Variants in MTURN observed in about 807,000 individuals in gnomAD.
The protein encoded by MTURN is maturin, neural progenitor differentiation regulator homolog, also known as maturin.
In MTURN, 7 loss-of-function variants were observed where a neutral mutation model predicts 14.9. That is an observed-to-expected ratio of 0.47 (90% CI 0.27 to 0.88). The LOEUF (loss-of-function observed/expected upper bound fraction) is 0.88, where lower values mean the gene tolerates loss of function less well. Among genes scored for constraint, MTURN ranks in the 40% least tolerant of loss-of-function variants. The pLI, the probability that MTURN is intolerant of heterozygous loss-of-function variation, is 0.14. For synonymous variants in MTURN, 69 were observed against 72.5 expected, an observed-to-expected ratio of 0.95 and a Z score of 0.25; for missense variants, 151 against 174.1, an observed-to-expected ratio of 0.87 and a Z score of 0.75.
chr7:30,146,787 G>C (rs1015448065), intron 2 of MTURN, among the ~76,000 whole-genome samples: 1 of 152,190 alleles, frequency 6.6e-6, no homozygotes, highest in Non-Finnish European at 1.5e-5. Context: ...AAAAGTCTCT[G>C]TTATGAGCTA....
In MTURN at chr7:30,135,034, A is replaced by C; in HGVS notation, c.-103A>C. On this transcript the variant is annotated 5_prime_UTR_variant, in exon 1 of 3. Transcript: ENST00000324453. ...CCCAGCCGGCCCAGCCCGGCCCCGGAGGAGCCCGCGCAGGCCGAGCCGAGC... is the reference window on the plus strand; with the variant it reads ...CCCAGCCGGCCCAGCCCGGCCCCGGCGGAGCCCGCGCAGGCCGAGCCGAGC... 1 of 1,017,438 alleles carries C rather than the reference A, an allele frequency of 9.8e-7. No individual in the cohort carries two copies. 63.0% of individuals were successfully genotyped at this position (1,017,438 alleles called of 1,614,324 possible). A position where few individuals can be genotyped will look rare whatever the true frequency, so the allele number is the denominator to read the frequency against.
intron 1 of MTURN, among the ~76,000 whole-genome samples, chr7:30,145,245 T>C (rs932469823): frequency 5.9e-5 from 9 of 152,174 alleles, no homozygotes; most frequent in Non-Finnish European, 1.2e-4. Flanking sequence ...GCATGGTGGC[T>C]CACGCCTGTA....
At chr7:30,145,531 G>C (rs759131324) in intron 1 of MTURN, among the ~76,000 whole-genome samples, 1 of 152,114 alleles carries the variant, frequency 6.6e-6, no homozygotes, top group Non-Finnish European at 1.5e-5. Context: ...ATCTAAAACC[G>C]ATCTCCTCTT....
In MTURN at chr7:30,137,652, G is replaced by A. The variant is rs145645362; in HGVS notation, c.162+2354G>A. The A allele has an allele frequency of 6.0e-3, 2,821 of 471,140 alleles. 71 individuals carry two copies. The East Asian group carries it at 0.077, about 13-fold the overall frequency. The allele number at this position is 471,140 out of a possible 1,614,324, so 29.2% of individuals were successfully genotyped here. On this transcript the variant is annotated intron_variant, in intron 1 of 2. Transcript: ENST00000324453. Reference sequence around the variant, plus strand: ...CTCTAATGGACAAGATGCCAACCTCGGGAGTTTTCCTAGCCGGACCTCTTG... The same window carrying A: ...CTCTAATGGACAAGATGCCAACCTCAGGAGTTTTCCTAGCCGGACCTCTTG...
chr7:30,145,549 G>T (rs1797116933), intron 1 of MTURN, among the ~76,000 whole-genome samples: 1 of 152,184 alleles, frequency 6.6e-6, no homozygotes, highest in Admixed American at 6.5e-5. Flanking sequence ...CTTAGTATGT[G>T]TTAGATTGTG....
chr7:30,152,017 C>A (rs1424523620), intron 2 of MTURN, among the ~76,000 whole-genome samples: 1 of 152,152 alleles, frequency 6.6e-6, no homozygotes, highest in Non-Finnish European at 1.5e-5. Flanking sequence ...GGTCAAGAGC[C>A]TGGAAAAGAG....
chr7:30,149,805 A>G (rs950299234), intron 2 of MTURN, among the ~76,000 whole-genome samples: 3 of 152,192 alleles, frequency 2.0e-5, no homozygotes, highest in Admixed American at 1.3e-4. Flanking sequence ...TGATCAATCC[A>G]TGCAGCTGCT....
Position 30,160,454 on chromosome 7 carries a change from A to G in MTURN, c.*2906A>G, listed in dbSNP as rs909369912. 7 of 152,278 alleles carry G rather than the reference A, an allele frequency of 4.6e-5. No homozygotes were observed. Among genetic ancestry groups the G allele is most frequent in the African/African-American group, 1.7e-4 (7 of 41,424 alleles). The allele number at this position is 152,278 out of a possible 1,614,324, so 9.4% of individuals were successfully genotyped here. On this transcript the variant is annotated 3_prime_UTR_variant, in exon 3 of 3. Coordinates refer to ENST00000324453, the MANE Select transcript of MTURN (RefSeq NM_152793.3). Reference sequence around the variant, plus strand: ...TTTGGAAGTGGTGTATGTTTAACTTACCTGAGAGTGAGAGATGTGTAGGAA... The same window carrying G: ...TTTGGAAGTGGTGTATGTTTAACTTGCCTGAGAGTGAGAGATGTGTAGGAA...
Position 30,157,500 on chromosome 7 carries a change from AGAG to A in MTURN, c.352_354del (p.Glu118del), listed in dbSNP as rs772535140. ...AAGAGTACAGTGCTGACGTGGAAGA[AGAG>A]GAGCCAGAGGCGGACCACCCCCAGA... is the stretch of plus-strand genomic sequence containing the variant. On this transcript the variant is annotated inframe_deletion, in exon 3 of 3. Coordinates refer to ENST00000324453, the MANE Select transcript of MTURN (RefSeq NM_152793.3). 12 of 1,606,290 alleles carry A rather than the reference AGAG, an allele frequency of 7.5e-6. No individual in the cohort carries two copies. Among genetic ancestry groups the A allele is most frequent in the East Asian group, 4.5e-5 (2 of 44,004 alleles).
At chr7:30,149,376 TGAG>T (rs1797174393) in intron 2 of MTURN, among the ~76,000 whole-genome samples, 1 of 151,928 alleles carries the variant, frequency 6.6e-6, no homozygotes, top group Admixed American at 6.5e-5. Flanking sequence ...TGCCCTTTGG[TGAG>T]GAGGTTTGTG....
chr7:30,144,194 A>G (rs1713002568), intron 1 of MTURN, among the ~76,000 whole-genome samples: 2 of 152,252 alleles, frequency 1.3e-5, no homozygotes, highest in African/African-American at 4.8e-5. Flanking sequence ...TGTGCCAGGT[A>G]CTTACTCAGC....
chr7:30,162,658 A>T lies in MTURN; in HGVS notation c.*5110A>T, dbSNP rs1797392694. ...ATGCTTCAAACAGTGTAAATCCTAT[A>T]CTGCACCCTGTCCACCTCTGCTCCC... On this transcript the variant is annotated 3_prime_UTR_variant, in exon 3 of 3. Coordinates refer to ENST00000324453, the MANE Select transcript of MTURN (RefSeq NM_152793.3). 1 of 152,616 alleles carries T rather than the reference A, an allele frequency of 6.6e-6. No individual in the cohort carries two copies. Among genetic ancestry groups the T allele is most frequent in the South Asian group, 2.1e-4 (1 of 4,830 alleles). The allele number at this position is 152,616 out of a possible 1,614,324, so 9.5% of individuals were successfully genotyped here.
chr7:30,157,841 A>C lies in MTURN; in HGVS notation c.*293A>C, dbSNP rs868533548. 1.6e-5 allele frequency: 3 copies of C among 187,700 alleles called. No homozygotes were observed. The highest frequency in any genetic ancestry group is 2.5e-4 in the South Asian group (2 of 8,126). The allele number at this position is 187,700 out of a possible 1,614,324, so 11.6% of individuals were successfully genotyped here. ...TGTGGCTGACTATTCTCTTAAGTTT[A>C]TGTTGGAGAATTAACATTCGCTGAC... On this transcript the variant is annotated 3_prime_UTR_variant, in exon 3 of 3. Coordinates refer to ENST00000324453, the MANE Select transcript of MTURN (RefSeq NM_152793.3).
intron 1 of MTURN, chr7:30,137,345 A>G (rs1241094162): frequency 6.8e-6 from 2 of 294,304 alleles, no homozygotes; most frequent in Non-Finnish European, 1.4e-5. Context: ...ACCCAAAGAA[A>G]TGACTCCAAA....
At chr7:30,139,371 G>T (rs1228083039) in intron 1 of MTURN, among the ~76,000 whole-genome samples, 1 of 151,816 alleles carries the variant, frequency 6.6e-6, no homozygotes, top group Admixed American at 6.6e-5. Context: ...AGAAACTGAG[G>T]CATGGCAAAC....
chr7:30,151,083 C>T (rs555744433), intron 2 of MTURN, among the ~76,000 whole-genome samples: 7 of 152,298 alleles, frequency 4.6e-5, no homozygotes, highest in Admixed American at 3.3e-4. Flanking sequence ...TGGATGCAGC[C>T]GGCCACCTTC....
chr7:30,153,858 T>C (rs112708510), intron 2 of MTURN, among the ~76,000 whole-genome samples: 19,399 of 152,090 alleles, frequency 0.13, 1,368 homozygotes, highest in African/African-American at 0.17. Flanking sequence ...GCTGGGACTA[T>C]AGGCACACGC....
At chr7:30,148,954 G>T (rs977310989) in intron 2 of MTURN, among the ~76,000 whole-genome samples, 7 of 152,142 alleles carry the variant, frequency 4.6e-5, no homozygotes, top group African/African-American at 1.7e-4. Context: ...CTTTGCAGCA[G>T]GTTTCCTCAC....
chr7:30,141,443 A>G (rs960207425), intron 1 of MTURN: 14 of 151,570 alleles, frequency 9.2e-5, no homozygotes, highest in African/African-American at 3.4e-4. Context: ...AGAGAAAAAA[A>G]GAAATATGTT....
Sources: gnomAD v4.1 joint callset for allele counts (sites outside exome capture counted in the v4.1 genomes callset) on GRCh38, gnomAD v4.1.1 for gene constraint, MANE v1.5 for transcripts, NCBI Gene and HGNC (gene_info 2026-07-23, HGNC 2026-07-21) for gene names.